Variants in PCDHGA8 observed in about 807,000 individuals in gnomAD.
PCDHGA8 encodes protocadherin gamma-A8.
Under a neutral mutation model 59.2 loss-of-function variants are expected in PCDHGA8, and 45 were observed. That is an observed-to-expected ratio of 0.76 (90% confidence interval 0.60 to 0.98). The LOEUF is 0.98. PCDHGA8 is among the 50% of genes least tolerant of loss of function. The probability of loss-of-function intolerance (pLI) is 0.00; values close to 1 mark genes in which losing one functional copy is unlikely to be tolerated. For synonymous variants in PCDHGA8, 531 were observed against 519.0 expected (o/e 1.02, Z -0.32); for missense variants, 1,257 against 1,196.2 (o/e 1.05, Z -0.75).
rs754140602 is a variant in PCDHGA8 at position 141,410,043 on chromosome 5, C to G, written c.2424+14806C>G. Reference sequence around the variant, plus strand: ...TACCACGTGCTGCAGGCCAGTGAGCCCGGACTCTTCAGCCTGGGGCTGCGC... The same window carrying G: ...TACCACGTGCTGCAGGCCAGTGAGCGCGGACTCTTCAGCCTGGGGCTGCGC... On this transcript the variant is annotated intron_variant, in intron 1 of 3. Transcript: ENST00000398604. 13 of 1,613,080 alleles carry G rather than the reference C, an allele frequency of 8.1e-6. No homozygotes were observed. The South Asian group carries it at 1.2e-4, about 15-fold the overall frequency.
At chr5:141,417,628 A>T (rs2096139720) in intron 1 of PCDHGA8, 1 of 692,650 alleles carries the variant, frequency 1.4e-6, no homozygotes, top group Non-Finnish European at 2.3e-6. Context: ...GCAAGCGCTG[A>T]CGCCGGGGAT....
chr5:141,491,938 C>A lies in PCDHGA8; in HGVS notation c.2425-2869C>A, dbSNP rs1207647899. Reference sequence around the variant, plus strand: ...TGTGGGCGAGGGGAGGTGGGACCGACCCCCACCCCTACACTCAAAAAAGGC... The same window carrying A: ...TGTGGGCGAGGGGAGGTGGGACCGAACCCCACCCCTACACTCAAAAAAGGC... On this transcript the variant is annotated intron_variant, in intron 1 of 3. Transcript: ENST00000398604. This position sits in a 1 kb window ranked among gnomAD's most constrained non-coding sequence, Gnocchi z 6.9. 1.7e-6 allele frequency: 2 copies of A among 1,199,072 alleles called. No homozygotes were observed. The highest frequency in any genetic ancestry group is 3.1e-5 in the Admixed American group (1 of 32,246). The allele number at this position is 1,199,072 out of a possible 1,614,324, so 74.3% of individuals were successfully genotyped here. A position where few individuals can be genotyped will look rare whatever the true frequency, so the allele number is the denominator to read the frequency against.
At chr5:141,500,360 T>C (rs1224064939) in intron 2 of PCDHGA8, among the ~76,000 whole-genome samples, 1 of 151,664 alleles carries the variant, frequency 6.6e-6, no homozygotes, top group Non-Finnish European at 1.5e-5. Context: ...AGGCGCCCAC[T>C]ACCACGCCCG....
chr5:141,409,914 G>T lies in PCDHGA8; in HGVS notation c.2424+14677G>T, dbSNP rs772848211. 58 of 1,613,230 alleles carry T rather than the reference G, an allele frequency of 3.6e-5. No homozygotes were observed. In the East Asian group the frequency reaches 1.2e-3, roughly 35 times the overall value. On this transcript the variant is annotated intron_variant, in intron 1 of 3. Transcript: ENST00000398604. ...CTGTACCCAGCTCTGGGTCCTGACGGCTCCGCGTTCTTCGATATGGTACCT... is the reference window on the plus strand; with the variant it reads ...CTGTACCCAGCTCTGGGTCCTGACGTCTCCGCGTTCTTCGATATGGTACCT...
At chr5:141,399,795 G>C in intron 1 of PCDHGA8, 2 of 1,613,204 alleles carry the variant, frequency 1.2e-6, no homozygotes, top group Non-Finnish European at 1.7e-6. Context: ...ACAACGCACC[G>C]CGGGTGCTGT....
At position 141,476,311 on chromosome 5, in the gene PCDHGA8, G is replaced by C. The variant is rs772962568; in HGVS notation, c.2425-18496G>C. ...ATCTCGGTAGCCTCTCAGCCCGCAGGTTCCGGGTGGTGTCTGGAGCTAGCC... is the reference window on the plus strand; with the variant it reads ...ATCTCGGTAGCCTCTCAGCCCGCAGCTTCCGGGTGGTGTCTGGAGCTAGCC... On this transcript the variant is annotated intron_variant, in intron 1 of 3. Transcript: ENST00000398604. The surrounding 1 kb of genome is among the most constrained non-coding windows in gnomAD (Gnocchi z 7.6). 18 of 1,613,680 alleles carry C rather than the reference G, an allele frequency of 1.1e-5. No homozygotes were observed. Among genetic ancestry groups the C allele is most frequent in the African/African-American group, 2.7e-5 (2 of 74,766 alleles).
intron 1 of PCDHGA8, chr5:141,414,350 C>G (rs1450829111): frequency 6.2e-7 from 1 of 1,613,726 alleles, no homozygotes; most frequent in East Asian, 2.2e-5. Context: ...TCCATTTTGG[C>G]GTATCTACCA....
Position 141,395,101 on chromosome 5 carries a change from C to G in PCDHGA8, c.2288C>G (p.Ser763Trp). ...YSQEVSLTAD[S>W]RKSHLIFPQP... ...CAGGAAGTCTCCCTCACCGCCGACT[C>G]GCGGAAGAGTCACCTGATCTTTCCC... The change falls in exon 1 of 4, where the codon TCG (serine) becomes TGG (tryptophan). Residue 763 changes from serine to tryptophan, a missense_variant. Physicochemically the swap from Ser to Trp is radical, Grantham distance 177. Coordinates refer to ENST00000398604, the MANE Select transcript of PCDHGA8 (RefSeq NM_032088.2). The G allele has an allele frequency of 1.9e-6, 3 of 1,614,164 alleles. No individual in the cohort carries two copies. The highest frequency in any genetic ancestry group is 2.2e-5 in the East Asian group (1 of 44,874).
intron 1 of PCDHGA8, among the ~76,000 whole-genome samples, chr5:141,464,648 G>A (rs776411908): frequency 6.6e-6 from 1 of 152,020 alleles, no homozygotes; most frequent in African/African-American, 2.4e-5. Flanking sequence ...AACCTGATGG[G>A]TAAAAAGATA....
At chr5:141,398,506 A>G (rs2093664607) in intron 1 of PCDHGA8, 1 of 1,601,998 alleles carries the variant, frequency 6.2e-7, no homozygotes, top group South Asian at 1.1e-5. Context: ...CGAGGACATT[A>G]ATGACCACAC....
At chr5:141,406,277 C>T (rs1462690693) in intron 1 of PCDHGA8, among the ~76,000 whole-genome samples, 1 of 151,986 alleles carries the variant, frequency 6.6e-6, no homozygotes, top group Non-Finnish European at 1.5e-5. Flanking sequence ...GCTTCAGTTT[C>T]CCAAAGCACT....
intron 1 of PCDHGA8, among the ~76,000 whole-genome samples, chr5:141,450,826 A>ATT (rs764729742): frequency 0.025 from 3,390 of 134,266 alleles, 60 homozygotes; most frequent in Middle Eastern, 0.057. Flanking sequence ...TATTATTATT[A>ATT]TTATTTTTTT....
intron 1 of PCDHGA8, among the ~76,000 whole-genome samples, chr5:141,466,225 C>A (rs925594512): frequency 2.0e-5 from 3 of 152,028 alleles, no homozygotes; most frequent in Admixed American, 6.6e-5. Flanking sequence ...GGCTGGAGTG[C>A]AGTGGCACCA....
intron 1 of PCDHGA8, chr5:141,404,285 A>T (rs1195722797): frequency 1.9e-6 from 3 of 1,614,026 alleles, no homozygotes; most frequent in East Asian, 4.5e-5. Flanking sequence ...AGTGACTGAC[A>T]TCAATGATAA....
intron 1 of PCDHGA8, chr5:141,403,564 G>A (rs2094422320): frequency 2.5e-6 from 4 of 1,613,834 alleles, no homozygotes; most frequent in Non-Finnish European, 2.5e-6. Context: ...ACAGGGAGGA[G>A]GCAACTGCCC....
At chr5:141,427,450 C>A in intron 1 of PCDHGA8, 1 of 486,442 alleles carries the variant, frequency 2.1e-6, no homozygotes, top group Non-Finnish European at 4.0e-6. Context: ...GAAAGAGTTC[C>A]TTTTAGAATC....
At chr5:141,433,828 ACT>A (rs1431945413) in intron 1 of PCDHGA8, among the ~76,000 whole-genome samples, 2 of 142,254 alleles carry the variant, frequency 1.4e-5, no homozygotes, top group Admixed American at 7.0e-5. Flanking sequence ...CAAGAGTGAA[ACT>A]CTATCTCAAA....
Position 141,489,084 on chromosome 5 carries a change from C to T in PCDHGA8, c.2425-5723C>T, listed in dbSNP as rs1232276875. On this transcript the variant is annotated intron_variant, in intron 1 of 3. Transcript: ENST00000398604. This position sits in a 1 kb window ranked among gnomAD's most constrained non-coding sequence, Gnocchi z 4.5. ...CTCCCCCCTGCCCACCCCCGCCACTCGGTGACTAAGAACTGCTGCAAGCAG... is the reference window on the plus strand; with the variant it reads ...CTCCCCCCTGCCCACCCCCGCCACTTGGTGACTAAGAACTGCTGCAAGCAG... The T allele has an allele frequency of 1.5e-5, 5 of 329,072 alleles. No homozygotes were observed. Among genetic ancestry groups the T allele is most frequent in the South Asian group, 1.3e-4 (2 of 15,846 alleles). The allele number at this position is 329,072 out of a possible 1,614,324, so 20.4% of individuals were successfully genotyped here. A position where few individuals can be genotyped will look rare whatever the true frequency, so the allele number is the denominator to read the frequency against.
rs1422052114 is a variant in PCDHGA8, at chr5:141,511,168, A to T, written c.2794A>T (p.Lys932Ter). The change falls in exon 4 of 4, where the codon AAG (lysine) becomes TAG (stop). Residue 932 changes from lysine to a stop codon, truncating the protein, a stop_gained. Coordinates refer to ENST00000398604, the MANE Select transcript of PCDHGA8 (RefSeq NM_032088.2). LOFTEE classifies it high-confidence loss of function. ...GAAGAAGTCGGGCAAGAAGGAGAAG[A>T]AGTAACATGGAGGCCAGGCCAAGAG... is the stretch of plus-strand genomic sequence containing the variant. The part of the protein sequence containing the change: ...NKKKSGKKEK[K>*] 1.4e-5 allele frequency: 22 copies of T among 1,614,038 alleles called. No individual in the cohort carries two copies. The highest frequency in any genetic ancestry group is 1.7e-5 in the Non-Finnish European group (20 of 1,180,008).
Sources: allele counts gnomAD v4.1 joint callset (sites outside exome capture counted in the v4.1 genomes callset), GRCh38; gene constraint gnomAD v4.1.1; non-coding constraint Gnocchi (gnomAD v3.1); transcripts MANE v1.5; gene names NCBI Gene and HGNC (gene_info 2026-07-23, HGNC 2026-07-21).